The following SORCS2 variants were observed in gnomAD, a reference collection of about 807,000 sequenced individuals.
SORCS2 encodes the protein sortilin related VPS10 domain containing receptor 2, also known as VPS10 domain-containing receptor SorCS2.
SORCS2 carries 100 observed loss-of-function variants against 141.6 expected under a neutral mutation model. The ratio of observed to expected loss-of-function variants is 0.71; its 90% CI spans 0.60 to 0.83. The LOEUF is 0.83. Ranked by LOEUF, SORCS2 falls within the 40% of genes least tolerant of loss-of-function variation. SORCS2 has a pLI of 0.00. For missense variants in SORCS2, 1,646 were observed against 1,560.2 expected (o/e 1.05, Z -0.93); for synonymous variants, 789 against 676.9 (o/e 1.17, Z -2.57).
intron 1 of SORCS2, among the ~76,000 whole-genome samples, chr4:7,331,478 G>GT (rs1441102410): frequency 3.3e-5 from 5 of 152,174 alleles, no homozygotes; most frequent in Non-Finnish European, 7.3e-5. Flanking sequence ...ACGGACTGCG[G>GT]TCCCCTAAGA....
At chr4:7,491,545 G>C (rs780509021) in intron 2 of SORCS2, among the ~76,000 whole-genome samples, 1 of 152,198 alleles carries the variant, frequency 6.6e-6, no homozygotes, top group African/African-American at 2.4e-5. Flanking sequence ...CCATGCAGAG[G>C]GAACACCTTG....
At chr4:7,678,144 G>A (rs1463622993) in intron 9 of SORCS2, among the ~76,000 whole-genome samples, 2 of 152,258 alleles carry the variant, frequency 1.3e-5, no homozygotes, top group Non-Finnish European at 2.9e-5. Context: ...CTCTGAGTGA[G>A]AGTGCTGGGG....
intron 3 of SORCS2, among the ~76,000 whole-genome samples, chr4:7,547,705 C>A (rs977365625): frequency 2.0e-5 from 3 of 152,216 alleles, no homozygotes; most frequent in Admixed American, 6.5e-5. Context: ...GGGATCTCTG[C>A]TCTTCCCTGC....
intron 2 of SORCS2, among the ~76,000 whole-genome samples, chr4:7,428,465 G>A (rs1047801894): frequency 6.6e-6 from 1 of 152,314 alleles, no homozygotes; most frequent in Admixed American, 6.5e-5. Flanking sequence ...GGGAAGCCAG[G>A]CCACAGCCAG....
chr4:7,217,273 C>T (rs944372835), intron 1 of SORCS2, among the ~76,000 whole-genome samples: 3 of 152,208 alleles, frequency 2.0e-5, no homozygotes, highest in Non-Finnish European at 2.9e-5. Flanking sequence ...CCATGAGACC[C>T]GAGGACCCCG....
chr4:7,680,861 C>T (rs2108964072), intron 9 of SORCS2, among the ~76,000 whole-genome samples: 1 of 152,350 alleles, frequency 6.6e-6, no homozygotes, highest in Middle Eastern at 3.4e-3. Context: ...AAACAAGCCA[C>T]AGCCATCAGT....
chr4:7,308,147 C>G (rs1717953938), intron 1 of SORCS2, among the ~76,000 whole-genome samples: 1 of 152,186 alleles, frequency 6.6e-6, no homozygotes, highest in Non-Finnish European at 1.5e-5. Flanking sequence ...GCTTTCATCC[C>G]TCTCCCTCTC....
At chr4:7,240,111 G>C (rs564348504) in intron 1 of SORCS2, among the ~76,000 whole-genome samples, 2 of 152,200 alleles carry the variant, frequency 1.3e-5, no homozygotes, top group Non-Finnish European at 2.9e-5. Context: ...TCCACCTGAC[G>C]TTGTTGGGCC....
chr4:7,558,835 A>T (rs1206226505), intron 3 of SORCS2, among the ~76,000 whole-genome samples: 2 of 152,156 alleles, frequency 1.3e-5, no homozygotes, highest in Non-Finnish European at 2.9e-5. Flanking sequence ...CCTCTAGTCC[A>T]CGGGCCTCTG....
intron 2 of SORCS2, among the ~76,000 whole-genome samples, chr4:7,493,968 C>T (rs1421253819): frequency 6.6e-6 from 1 of 152,070 alleles, no homozygotes; most frequent in African/African-American, 2.4e-5. Context: ...TGTTCAGTGC[C>T]CACTTAACAT....
At chr4:7,651,167 A>C (rs1721424035) in intron 4 of SORCS2, among the ~76,000 whole-genome samples, 1 of 152,182 alleles carries the variant, frequency 6.6e-6, no homozygotes, top group African/African-American at 2.4e-5. Flanking sequence ...GAGGAGAGGC[A>C]AGGGAAAAGG....
intron 4 of SORCS2, among the ~76,000 whole-genome samples, chr4:7,638,879 C>T (rs1720447376): frequency 6.6e-6 from 1 of 152,226 alleles, no homozygotes; most frequent in South Asian, 2.1e-4. Context: ...CCTCACTAGG[C>T]CTTTCCCTCA....
intron 2 of SORCS2, among the ~76,000 whole-genome samples, chr4:7,517,451 G>A (rs1186691602): frequency 3.3e-5 from 5 of 152,030 alleles, no homozygotes; most frequent in Non-Finnish European, 5.9e-5. Context: ...CTTGTGTCTT[G>A]GGCATTTTTT....
intron 2 of SORCS2, among the ~76,000 whole-genome samples, chr4:7,496,776 A>T (rs1442165838): frequency 6.6e-6 from 1 of 152,134 alleles, no homozygotes; most frequent in Non-Finnish European, 1.5e-5. Context: ...CGCCTTCACC[A>T]GGCGGGAGAT....
intron 2 of SORCS2, among the ~76,000 whole-genome samples, chr4:7,447,292 C>T (rs1728061388): frequency 6.6e-6 from 1 of 152,142 alleles, no homozygotes; most frequent in Admixed American, 6.5e-5. Flanking sequence ...GCATCCCCTG[C>T]CTGTGTGAGC....
intron 3 of SORCS2, among the ~76,000 whole-genome samples, chr4:7,624,928 C>G (rs1719427766): frequency 6.6e-6 from 1 of 152,216 alleles, no homozygotes; most frequent in Non-Finnish European, 1.5e-5. Context: ...ACGGCGGGGG[C>G]TCTCGTCTCA....
At chr4:7,487,899 T>G (rs1731090833) in intron 2 of SORCS2, among the ~76,000 whole-genome samples, 1 of 152,116 alleles carries the variant, frequency 6.6e-6, no homozygotes, top group African/African-American at 2.4e-5. Flanking sequence ...AAATTTTCTT[T>G]TGTAGACATC....
intron 3 of SORCS2, among the ~76,000 whole-genome samples, chr4:7,623,867 T>C (rs1015035596): frequency 6.6e-6 from 1 of 152,152 alleles, no homozygotes; most frequent in Non-Finnish European, 1.5e-5. Flanking sequence ...GCAGGTTCAA[T>C]GGAGGCTGAA....
intron 3 of SORCS2, among the ~76,000 whole-genome samples, chr4:7,562,337 G>A (rs958426741): frequency 1.3e-5 from 2 of 149,088 alleles, no homozygotes; most frequent in African/African-American, 5.0e-5. Context: ...CAAAAAAAAG[G>A]TGGATGGTCA....
Sources: allele counts gnomAD v4.1 joint callset (sites outside exome capture counted in the v4.1 genomes callset), GRCh38; gene constraint gnomAD v4.1.1; transcripts MANE v1.5; gene names NCBI Gene and HGNC (gene_info 2026-07-23, HGNC 2026-07-21).